Variants in TBC1D9 observed in about 807,000 individuals in gnomAD.
TBC1D9 encodes TBC1 domain family member 9.
TBC1D9 carries 63 observed loss-of-function variants against 132.0 expected under a neutral mutation model. The observed-to-expected ratio is 0.48, with a 90% CI of 0.39 to 0.59. TBC1D9 has a LOEUF of 0.59. Ranked by LOEUF, TBC1D9 falls within the 20% of genes least tolerant of loss-of-function variation. TBC1D9 has a pLI of 0.00. For missense variants in TBC1D9, 1,261 were observed against 1,592.7 expected (o/e 0.79, Z 3.54); for synonymous variants, 610 against 609.9 (o/e 1.00, Z 0.00).
At chr4:140,644,997 C>A in intron 13 of TBC1D9, 1 of 465,162 alleles carries the variant, frequency 2.1e-6, no homozygotes, top group Non-Finnish European at 4.3e-6. Context: ...GGACATGCTG[C>A]CCGAGCGGGA....
At chr4:140,690,275 GT>G (rs1737857573) in intron 2 of TBC1D9, among the ~76,000 whole-genome samples, 3 of 151,974 alleles carry the variant, frequency 2.0e-5, no homozygotes, top group Admixed American at 2.0e-4. Context: ...TACTATCATT[GT>G]TTCCCCACCT....
At chr4:140,623,013 A>G (rs1736646077) in intron 20 of TBC1D9, 96 bp from the exon 21 acceptor site, 2 of 1,392,672 alleles carry the variant, frequency 1.4e-6, no homozygotes, top group Non-Finnish European at 1.9e-6. Flanking sequence ...GAGAACGCCT[A>G]AAGATCCCTG....
intron 15 of TBC1D9, among the ~76,000 whole-genome samples, chr4:140,636,698 T>G (rs1345586531): frequency 1.3e-5 from 2 of 152,134 alleles, no homozygotes; most frequent in East Asian, 3.8e-4. Context: ...TCTCTAGAAA[T>G]TGGCTTTTTA....
intron 9 of TBC1D9, 23 bp downstream of exon 9, chr4:140,668,894 C>A (rs1482364055): frequency 3.1e-6 from 5 of 1,611,700 alleles, no homozygotes; most frequent in African/African-American, 1.3e-5. Context: ...TTGACGCCAG[C>A]ATTCCCAGCC....
At chr4:140,739,957 T>C (rs1376926932) in intron 1 of TBC1D9, among the ~76,000 whole-genome samples, 1 of 152,238 alleles carries the variant, frequency 6.6e-6, no homozygotes, top group Non-Finnish European at 1.5e-5. Flanking sequence ...CTTAATGTTC[T>C]GCTTGATCTT....
At position 140,621,578 on chromosome 4, in the gene TBC1D9, CACTT is replaced by C. The variant is rs953888021; in HGVS notation, c.*613_*616del. On this transcript the variant is annotated 3_prime_UTR_variant, in exon 21 of 21. Coordinates refer to ENST00000442267, the MANE Select transcript of TBC1D9 (RefSeq NM_015130.3). Reference sequence around the variant, plus strand: ...TGTTATTCTGGAATCATGTAAAAATCACTTACTTTCATAACTGTTTAGAACCCCA... The same window carrying C: ...TGTTATTCTGGAATCATGTAAAAATCACTTTCATAACTGTTTAGAACCCCA... 1 of 152,224 alleles carries C rather than the reference CACTT, an allele frequency of 6.6e-6. No homozygotes were observed. The highest frequency in any genetic ancestry group is 2.4e-5 in the African/African-American group (1 of 41,452). The allele number at this position is 152,224 out of a possible 1,614,324, so 9.4% of individuals were successfully genotyped here. A position where few individuals can be genotyped will look rare whatever the true frequency, so the allele number is the denominator to read the frequency against.
chr4:140,659,555 A>G (rs1219513809), intron 11 of TBC1D9, 33 bp downstream of exon 11: 1 of 1,445,058 alleles, frequency 6.9e-7, no homozygotes, highest in East Asian at 2.4e-5. Context: ...TTGACGAGAC[A>G]TAGGTTGAAA....
chr4:140,669,669 G>A lies in TBC1D9; in HGVS notation c.1402C>T (p.Arg468Trp), dbSNP rs748575599. The A allele has an allele frequency of 2.2e-5, 36 of 1,613,352 alleles. No individual in the cohort carries two copies. Among genetic ancestry groups the A allele is most frequent in the Non-Finnish European group, 2.5e-5 (30 of 1,179,472 alleles). ...TATQTLMTMY[R>W]RRSPEEFNPK... ...TTGAACTCCTCGGGAGACCGCCGCC[G>A]ATACATGGTCATCAGGGTCTGTGTG... The change falls in exon 8 of 21, where the codon CGG (arginine) becomes TGG (tryptophan). Residue 468 changes from arginine (R) to tryptophan (W), a missense_variant. By Grantham distance (101) the Arg-to-Trp change is moderately radical. This residue lies in a region of TBC1D9 where 550 missense variants were observed against 699.0 expected (regional missense o/e 0.79). Transcript: ENST00000442267.
At chr4:140,639,959 C>T (rs1291023263) in intron 13 of TBC1D9, among the ~76,000 whole-genome samples, 1 of 152,172 alleles carries the variant, frequency 6.6e-6, no homozygotes, top group Non-Finnish European at 1.5e-5. Context: ...TGTCAAAAGC[C>T]AAACCAGTCT....
intron 1 of TBC1D9, among the ~76,000 whole-genome samples, chr4:140,702,619 A>G (rs1738090178): frequency 6.6e-6 from 1 of 152,218 alleles, no homozygotes; most frequent in Non-Finnish European, 1.5e-5. Flanking sequence ...AAGGATTCTG[A>G]CAGCTTCAAA....
At chr4:140,669,580 T>C in intron 8 of TBC1D9, 54 bp downstream of exon 8, 15 of 1,541,088 alleles carry the variant, frequency 9.7e-6, no homozygotes, top group Non-Finnish European at 1.3e-5. Flanking sequence ...AAAAATATTG[T>C]TAATGGCATT....
At chr4:140,670,467 GTAAC>G (rs2111009635) in intron 7 of TBC1D9, 1 of 456,502 alleles carries the variant, frequency 2.2e-6, no homozygotes, top group African/African-American at 1.9e-5. Flanking sequence ...CACTTGCTAT[GTAAC>G]TAGAACAGAT....
At chr4:140,643,145 C>T in intron 13 of TBC1D9, 2 of 1,438,192 alleles carry the variant, frequency 1.4e-6, no homozygotes, top group South Asian at 1.2e-5. Context: ...CATCCAGCAC[C>T]TCCCTCAGCA....
chr4:140,670,574 T>C (rs556483046), intron 7 of TBC1D9, 146 bp downstream of exon 7: 222 of 640,126 alleles, frequency 3.5e-4, no homozygotes, highest in African/African-American at 3.3e-3. Context: ...TACAAAGTCC[T>C]TGAGATTTAA....
At chr4:140,644,653 A>C in intron 13 of TBC1D9, 1 of 413,698 alleles carries the variant, frequency 2.4e-6, no homozygotes, top group Non-Finnish European at 4.7e-6. Flanking sequence ...TTGCAGTTCC[A>C]GGGCCTGGGC....
chr4:140,665,568 G>A (rs1737430391), intron 9 of TBC1D9, among the ~76,000 whole-genome samples: 1 of 151,996 alleles, frequency 6.6e-6, no homozygotes, highest in Non-Finnish European at 1.5e-5. Context: ...GTTACCATAC[G>A]AACCAGAAAT....
chr4:140,679,375 G>A (rs1737671784), intron 4 of TBC1D9, among the ~76,000 whole-genome samples, 172 bp from the exon 5 acceptor site: 1 of 152,080 alleles, frequency 6.6e-6, no homozygotes, highest in Non-Finnish European at 1.5e-5. Context: ...TGAATTCTGA[G>A]GTCAGAATTA....
At chr4:140,744,782 CT>C (rs1324305559) in intron 1 of TBC1D9, among the ~76,000 whole-genome samples, 1 of 150,186 alleles carries the variant, frequency 6.7e-6, no homozygotes, top group Non-Finnish European at 1.5e-5. Flanking sequence ...ACTTCAAAGG[CT>C]GAGACAGGAG....
chr4:140,651,985 T>C (rs141709653), intron 13 of TBC1D9, among the ~76,000 whole-genome samples: 1 of 152,288 alleles, frequency 6.6e-6, no homozygotes, highest in African/African-American at 2.4e-5. Context: ...AAGCCTGTAA[T>C]CTTAGGACTT....
Sources: allele counts gnomAD v4.1 joint callset (sites outside exome capture counted in the v4.1 genomes callset), GRCh38; gene constraint gnomAD v4.1.1; regional missense constraint gnomAD v4.1.1; transcripts MANE v1.5; gene names NCBI Gene and HGNC (gene_info 2026-07-23, HGNC 2026-07-21).